Variants in MMP16 observed in about 807,000 individuals in gnomAD.
MMP16 encodes matrix metallopeptidase 16.
In MMP16, 12 loss-of-function variants were observed where a neutral mutation model predicts 67.8. The ratio of observed to expected loss-of-function variants is 0.18; its 90% confidence interval spans 0.11 to 0.29. MMP16 has a LOEUF of 0.29. Among genes scored for constraint, MMP16 ranks in the 10% least tolerant of loss-of-function variants. The pLI is 1.00. For synonymous variants in MMP16, 249 were observed against 255.9 expected (o/e 0.97, Z 0.26); for missense variants, 475 against 765.7 (o/e 0.62, Z 4.48).
intron 4 of MMP16, among the ~76,000 whole-genome samples, chr8:88,130,488 A>G (rs540710154): frequency 2.0e-4 from 30 of 151,926 alleles, no homozygotes; most frequent in Admixed American, 1.3e-3. Flanking sequence ...TCTTTTTTTA[A>G]TGATAGATAT....
At chr8:88,045,365 T>C (rs1808185886) in intron 9 of MMP16, among the ~76,000 whole-genome samples, 1 of 151,682 alleles carries the variant, frequency 6.6e-6, no homozygotes, top group Admixed American at 6.6e-5. Flanking sequence ...TCTTATCTTT[T>C]TGTTTGTTTG....
chr8:88,033,814 C>A lies in MMP16; in HGVS notation c.*7647G>T, dbSNP rs1462609988. ...AGCTGCCTCTGTAACACCCCTAATT[C>A]TTTGATTCTATCTCTCTTTCTAATA... On this transcript the variant is annotated 3_prime_UTR_variant, in exon 10 of 10. Coordinates refer to ENST00000286614, the MANE Select transcript of MMP16 (RefSeq NM_005941.5). 1 of 151,998 alleles carries A rather than the reference C, an allele frequency of 6.6e-6. No homozygotes were observed. The highest frequency in any genetic ancestry group is 1.5e-5 in the Non-Finnish European group (1 of 67,950). 9.4% of individuals were successfully genotyped at this position (151,998 alleles called of 1,614,324 possible). A position where few individuals can be genotyped will look rare whatever the true frequency, so the allele number is the denominator to read the frequency against.
At chr8:88,056,609 T>G (rs1370480000) in intron 7 of MMP16, among the ~76,000 whole-genome samples, 1 of 152,146 alleles carries the variant, frequency 6.6e-6, no homozygotes, top group Non-Finnish European at 1.5e-5. Context: ...ATTCTTCCCC[T>G]AAGAATTAGA....
intron 1 of MMP16, among the ~76,000 whole-genome samples, chr8:88,253,508 C>CA (rs1406259547): frequency 5.3e-5 from 8 of 151,970 alleles, no homozygotes; most frequent in African/African-American, 1.7e-4. Flanking sequence ...TCTTCCTTCC[C>CA]AAAACCTACA....
At chr8:88,096,000 GA>G (rs536170973) in intron 6 of MMP16, among the ~76,000 whole-genome samples, 2 of 151,898 alleles carry the variant, frequency 1.3e-5, no homozygotes, top group East Asian at 3.9e-4. Flanking sequence ...ATTGGTAAAG[GA>G]AAAAAGTAGT....
At position 88,222,008 on chromosome 8, in the gene MMP16, G is replaced by A. The variant is rs182665477; in HGVS notation, c.133-24702C>T. Among the ~76,000 whole-genome samples the A allele has an allele frequency of 2.7e-3, 406 of 151,934 alleles. 4 individuals carry two copies. In the Middle Eastern group the frequency reaches 0.048, roughly 18 times the overall value. On this transcript the variant is annotated intron_variant, in intron 1 of 9. Transcript: ENST00000286614. ...ACTTGTTCATTTTTTTATTTTAGAAGAAAATCATCCTCCTGCTTTTTTTTA... is the reference window on the plus strand; with the variant it reads ...ACTTGTTCATTTTTTTATTTTAGAAAAAAATCATCCTCCTGCTTTTTTTTA...
chr8:88,293,954 CT>C (rs1810964698), intron 1 of MMP16, among the ~76,000 whole-genome samples: 2 of 152,006 alleles, frequency 1.3e-5, no homozygotes. Flanking sequence ...AAGTAGCAGT[CT>C]GTAGACCACA....
rs1408203602 is a variant in MMP16, at chr8:88,176,856, G to A, written c.405-8883C>T. Among the ~76,000 whole-genome samples, 3 of 152,066 alleles carry A rather than the reference G, an allele frequency of 2.0e-5. No homozygotes were observed. In the East Asian group the frequency reaches 5.8e-4, roughly 29 times the overall value. On this transcript the variant is annotated intron_variant, in intron 3 of 9. Coordinates refer to ENST00000286614, the MANE Select transcript of MMP16 (RefSeq NM_005941.5). The stretch of plus-strand genomic sequence containing the variant: ...GTAAGTCTTCATATCTTGTGGGTGG[G>A]AACATTTTGATGTTCTCCTTGGCCT...
Position 88,041,875 on chromosome 8 carries a change from C to T in MMP16, c.1490-80G>A. On this transcript the variant is annotated intron_variant, in intron 9 of 9. Coordinates refer to ENST00000286614, the MANE Select transcript of MMP16 (RefSeq NM_005941.5). The surrounding 1 kb of genome is among the most constrained non-coding windows in gnomAD (Gnocchi z 6.0). ...TGTAGAGAAATGTTACTAAAATAGGCTATGTCTTAAGAGATGTATTTTAAG... is the reference window on the plus strand; with the variant it reads ...TGTAGAGAAATGTTACTAAAATAGGTTATGTCTTAAGAGATGTATTTTAAG... The T allele has an allele frequency of 9.3e-7, 1 of 1,074,092 alleles. No homozygotes were observed. Among genetic ancestry groups the T allele is most frequent in the South Asian group, 1.6e-5 (1 of 64,246 alleles). The allele number at this position is 1,074,092 out of a possible 1,614,324, so 66.5% of individuals were successfully genotyped here.
chr8:88,253,560 T>C (rs1014281973), intron 1 of MMP16, among the ~76,000 whole-genome samples: 4 of 152,030 alleles, frequency 2.6e-5, no homozygotes, highest in African/African-American at 9.7e-5. Flanking sequence ...CAAATCCCTA[T>C]TGAGGGGCAG....
intron 4 of MMP16, among the ~76,000 whole-genome samples, chr8:88,140,170 A>T (rs1808188213): frequency 2.0e-5 from 3 of 151,996 alleles, no homozygotes; most frequent in African/African-American, 4.8e-5. Flanking sequence ...CACTCACAGA[A>T]CTTGCAAATT....
chr8:88,190,766 G>A (rs142282391), intron 2 of MMP16, among the ~76,000 whole-genome samples: 63 of 152,086 alleles, frequency 4.1e-4, no homozygotes, highest in African/African-American at 1.4e-3. Flanking sequence ...CTGGCAACTT[G>A]GTAAAATCTA....
chr8:88,281,379 C>A (rs1810733469), intron 1 of MMP16, among the ~76,000 whole-genome samples: 1 of 152,156 alleles, frequency 6.6e-6, no homozygotes, highest in African/African-American at 2.4e-5. Flanking sequence ...AGCATTCCAA[C>A]ATGCTTCTTC....
chr8:88,264,848 C>T (rs1452160933), intron 1 of MMP16, among the ~76,000 whole-genome samples: 1 of 152,208 alleles, frequency 6.6e-6, no homozygotes, highest in Admixed American at 6.5e-5. Flanking sequence ...TCTCAAAAAT[C>T]GTGCCCTAAC....
chr8:88,092,518 CCTTT>C (rs1406307328), intron 6 of MMP16, among the ~76,000 whole-genome samples: 2 of 151,734 alleles, frequency 1.3e-5, no homozygotes. Context: ...TTTTGACTGT[CCTTT>C]CTTTCTCCCA....
At chr8:88,230,813 T>A (rs1424372754) in intron 1 of MMP16, among the ~76,000 whole-genome samples, 1 of 152,168 alleles carries the variant, frequency 6.6e-6, no homozygotes, top group African/African-American at 2.4e-5. Flanking sequence ...TTCTTATTCA[T>A]GAATTTGCAA....
At chr8:88,164,180 G>C (rs1449183705) in intron 4 of MMP16, among the ~76,000 whole-genome samples, 1 of 151,978 alleles carries the variant, frequency 6.6e-6, no homozygotes, top group Non-Finnish European at 1.5e-5. Flanking sequence ...TTATCAAGAG[G>C]CTCTTTCATT....
At chr8:88,321,861 A>T (rs1038518198) in intron 1 of MMP16, among the ~76,000 whole-genome samples, 1 of 152,192 alleles carries the variant, frequency 6.6e-6, no homozygotes, top group African/African-American at 2.4e-5. Flanking sequence ...CAGGTTAGCA[A>T]AAGAACCTGA....
chr8:88,074,816 C>G (rs140046806), intron 6 of MMP16, 73 bp from the exon 7 acceptor site: 5 of 1,518,102 alleles, frequency 3.3e-6, no homozygotes, highest in East Asian at 2.3e-5. Context: ...AATGGCTGGA[C>G]GCTTTTGAAA....
Sources: allele counts gnomAD v4.1 joint callset (sites outside exome capture counted in the v4.1 genomes callset), GRCh38; gene constraint gnomAD v4.1.1; non-coding constraint Gnocchi (gnomAD v3.1); transcripts MANE v1.5; gene names NCBI Gene and HGNC (gene_info 2026-07-23, HGNC 2026-07-21).